Variants in DCLK1 observed in about 807,000 individuals in gnomAD.
DCLK1 encodes doublecortin like kinase 1.
DCLK1 carries 16 observed loss-of-function variants against 86.2 expected under a neutral mutation model. That is an observed-to-expected ratio of 0.19 (90% CI 0.13 to 0.28). DCLK1 has a LOEUF of 0.28. DCLK1 is among the 10% of genes least tolerant of loss of function. The probability of loss-of-function intolerance (pLI) is 1.00; values close to 1 mark genes in which losing one functional copy is unlikely to be tolerated. For missense variants in DCLK1, 590 were observed against 940.2 expected, an observed-to-expected ratio of 0.63 and a Z score of 4.87; for synonymous variants, 369 against 370.5, an observed-to-expected ratio of 1.00 and a Z score of 0.05.
intron 3 of DCLK1, among the ~76,000 whole-genome samples, chr13:35,969,984 A>T (rs925785969): frequency 6.6e-6 from 1 of 152,184 alleles, no homozygotes; most frequent in Admixed American, 6.5e-5. Flanking sequence ...TTGATCTTGG[A>T]CTTCCCAGCC....
At chr13:35,977,466 C>G (rs1303580461) in intron 3 of DCLK1, among the ~76,000 whole-genome samples, 2 of 152,304 alleles carry the variant, frequency 1.3e-5, no homozygotes, top group African/African-American at 4.8e-5. Context: ...ATGACTATCA[C>G]GAAGCCCTTT....
intron 4 of DCLK1, among the ~76,000 whole-genome samples, chr13:35,924,273 G>A (rs1341631085): frequency 1.3e-5 from 2 of 151,648 alleles, no homozygotes; most frequent in African/African-American, 4.8e-5. Context: ...TTAAATGGCT[G>A]TCTCAGAGCA....
intron 3 of DCLK1, among the ~76,000 whole-genome samples, chr13:36,104,687 A>G (rs1235007188): frequency 2.6e-5 from 4 of 152,110 alleles, no homozygotes; most frequent in African/African-American, 9.7e-5. Context: ...TAATAATATT[A>G]CTTTCTCGGT....
intron 4 of DCLK1, among the ~76,000 whole-genome samples, chr13:35,936,158 G>A (rs1876739004): frequency 2.0e-5 from 3 of 151,980 alleles, no homozygotes; most frequent in African/African-American, 4.8e-5. Context: ...TTTCAAGGAG[G>A]GAATCATCAA....
intron 3 of DCLK1, among the ~76,000 whole-genome samples, chr13:36,088,670 T>C (rs1884703420): frequency 6.6e-6 from 1 of 152,226 alleles, no homozygotes; most frequent in Non-Finnish European, 1.5e-5. Context: ...CCAGTGGGTC[T>C]GCGAGACGTG....
At chr13:36,007,821 A>T (rs936403015) in intron 3 of DCLK1, among the ~76,000 whole-genome samples, 4 of 152,154 alleles carry the variant, frequency 2.6e-5, no homozygotes, top group African/African-American at 7.2e-5. Flanking sequence ...TATCCATCTG[A>T]TCACTTTTGG....
Position 35,774,600 on chromosome 13 carries a change from A to G in DCLK1, c.2158T>C (p.Ser720Pro). The G allele has an allele frequency of 6.3e-7, 1 of 1,590,324 alleles. No individual in the cohort carries two copies. The highest frequency in any genetic ancestry group is 2.3e-5 in the East Asian group (1 of 43,686). ...CTTGGGGAGTAGTCTTCCGATTCCG[A>G]GTTGAGTTCGGGAGGAGCTGGCTGC... The part of the protein sequence containing the change: ...KAQPAPPELN[S>P]ESEDYSPSSS... Residue 720 changes from serine (S) to proline (P), a missense_variant, in exon 17 of 17, where the codon TCG (serine) becomes CCG (proline). Transcript: ENST00000360631.
intron 5 of DCLK1, among the ~76,000 whole-genome samples, chr13:35,861,589 C>T (rs923393692): frequency 1.9e-4 from 29 of 151,526 alleles, no homozygotes; most frequent in Non-Finnish European, 2.1e-4. Flanking sequence ...CTGAATCCTA[C>T]GATCCCCATT....
intron 3 of DCLK1, among the ~76,000 whole-genome samples, chr13:36,091,479 C>T (rs77651397): frequency 0.042 from 6,454 of 152,208 alleles, 160 homozygotes; most frequent in African/African-American, 0.074. Flanking sequence ...ATACTTGGCA[C>T]GTAAGGGCTT....
chr13:35,819,918 T>G (rs1053900427), intron 11 of DCLK1, among the ~76,000 whole-genome samples: 9 of 152,218 alleles, frequency 5.9e-5, no homozygotes, highest in African/African-American at 1.7e-4. Context: ...TTATGTTATC[T>G]TCATCAAATC....
At chr13:35,855,450 T>C (rs1288144845) in intron 5 of DCLK1, 2 of 1,509,324 alleles carry the variant, frequency 1.3e-6, no homozygotes, top group African/African-American at 2.7e-5. Context: ...GACACATAGA[T>C]TCTTGAGGGT....
intron 4 of DCLK1, 66 bp downstream of exon 4, chr13:35,947,292 C>T: frequency 4.7e-6 from 6 of 1,275,226 alleles, no homozygotes; most frequent in Non-Finnish European, 6.8e-6. Flanking sequence ...TAATCTTGGC[C>T]TGGTGCAGCT....
chr13:36,051,535 T>C (rs1883123176), intron 3 of DCLK1, among the ~76,000 whole-genome samples: 1 of 151,902 alleles, frequency 6.6e-6, no homozygotes, highest in African/African-American at 2.4e-5. Context: ...CTGTGTGGTC[T>C]TTTAATCCTT....
At chr13:35,815,697 A>C (rs1290320203) in intron 11 of DCLK1, among the ~76,000 whole-genome samples, 3 of 152,180 alleles carry the variant, frequency 2.0e-5, no homozygotes, top group Non-Finnish European at 4.4e-5. Context: ...AAAATGGCTT[A>C]AATTTAAATC....
At chr13:35,799,395 G>T (rs2086875350) in intron 15 of DCLK1, among the ~76,000 whole-genome samples, 2 of 152,126 alleles carry the variant, frequency 1.3e-5, no homozygotes, top group Non-Finnish European at 2.9e-5. Flanking sequence ...GGGATTACAG[G>T]CATGTGCCAC....
intron 4 of DCLK1, among the ~76,000 whole-genome samples, chr13:35,876,216 G>C (rs1872583853): frequency 6.6e-6 from 1 of 152,200 alleles, no homozygotes; most frequent in Admixed American, 6.5e-5. Flanking sequence ...TAATAGCTTG[G>C]AGGATCATGG....
At chr13:35,783,706 T>C (rs559069317) in intron 16 of DCLK1, among the ~76,000 whole-genome samples, 1 of 152,172 alleles carries the variant, frequency 6.6e-6, no homozygotes, top group East Asian at 1.9e-4. Context: ...TGCCTCAGCC[T>C]CCTGAGTTGC....
At chr13:35,985,165 C>T (rs1231788620) in intron 3 of DCLK1, among the ~76,000 whole-genome samples, 1 of 152,134 alleles carries the variant, frequency 6.6e-6, no homozygotes, top group Non-Finnish European at 1.5e-5. Context: ...GCATTTAGAC[C>T]TGCTACCAGC....
chr13:36,004,659 T>C (rs1880867970), intron 3 of DCLK1, among the ~76,000 whole-genome samples: 1 of 152,268 alleles, frequency 6.6e-6, no homozygotes, highest in South Asian at 2.1e-4. Context: ...TGGTGCAATC[T>C]CGGCCTCCGG....
Sources: gnomAD v4.1 joint callset for allele counts (sites outside exome capture counted in the v4.1 genomes callset) on GRCh38, gnomAD v4.1.1 for gene constraint, MANE v1.5 for transcripts, NCBI Gene and HGNC (gene_info 2026-07-23, HGNC 2026-07-21) for gene names.